EYA2: variants seen among roughly 807,000 people sequenced by gnomAD.
The protein encoded by EYA2 is EYA transcriptional coactivator and phosphatase 2.
In EYA2, 31 loss-of-function variants were observed where a neutral mutation model predicts 69.2. The ratio of observed to expected loss-of-function variants is 0.45; its 90% CI spans 0.34 to 0.60. EYA2 has a LOEUF of 0.60. EYA2 is among the 20% of genes least tolerant of loss of function. The probability of loss-of-function intolerance (pLI) is 0.02; values close to 1 mark genes in which losing one functional copy is unlikely to be tolerated. For missense variants in EYA2, 622 were observed against 701.2 expected (o/e 0.89, Z 1.28); for synonymous variants, 257 against 279.4 (o/e 0.92, Z 0.80).
chr20:47,154,904 G>A (rs143751342), intron 10 of EYA2, among the ~76,000 whole-genome samples: 5 of 150,602 alleles, frequency 3.3e-5, no homozygotes, highest in Admixed American at 6.6e-5. Context: ...GGAGTGCAGT[G>A]CTGCGATCTC....
At chr20:47,172,980 GC>G in intron 12 of EYA2, 113 bp downstream of exon 12, 1 of 1,229,398 alleles carries the variant, frequency 8.1e-7, no homozygotes, top group Non-Finnish European at 1.1e-6. Flanking sequence ...TTCAGTACCA[GC>G]CCACTTAATG....
chr20:47,097,712 G>A (rs977563711), intron 9 of EYA2, among the ~76,000 whole-genome samples: 2 of 152,184 alleles, frequency 1.3e-5, no homozygotes, highest in Admixed American at 6.5e-5. Flanking sequence ...TGGCTGAATC[G>A]TGGTGGATGG....
chr20:47,143,840 CA>C (rs941913078), intron 10 of EYA2, among the ~76,000 whole-genome samples: 1 of 151,836 alleles, frequency 6.6e-6, no homozygotes, highest in Non-Finnish European at 1.5e-5. Flanking sequence ...AGACATTGCA[CA>C]AAAAAAATCC....
chr20:47,175,453 G>A (rs1600771932), intron 12 of EYA2, among the ~76,000 whole-genome samples: 1 of 152,132 alleles, frequency 6.6e-6, no homozygotes. Flanking sequence ...CTCCTCGTGT[G>A]CAAAATGGGG....
intron 1 of EYA2, among the ~76,000 whole-genome samples, chr20:46,973,454 A>C (rs190754822): frequency 6.6e-6 from 1 of 152,226 alleles, no homozygotes; most frequent in Non-Finnish European, 1.5e-5. Flanking sequence ...TGTTGAGACA[A>C]TTGGGGAAGA....
chr20:46,969,742 T>C (rs994747639), intron 1 of EYA2, among the ~76,000 whole-genome samples: 3 of 152,158 alleles, frequency 2.0e-5, no homozygotes, highest in African/African-American at 4.8e-5. Flanking sequence ...ATGCACTCTT[T>C]GGGGGTTCAT....
chr20:47,127,391 G>T (rs1290447809), intron 9 of EYA2, among the ~76,000 whole-genome samples: 1 of 152,074 alleles, frequency 6.6e-6, no homozygotes, highest in Non-Finnish European at 1.5e-5. Flanking sequence ...ATCACCTGAG[G>T]TCAGGAGTTC....
intron 5 of EYA2, among the ~76,000 whole-genome samples, chr20:47,052,268 G>A (rs1345821262): frequency 3.9e-5 from 6 of 152,206 alleles, no homozygotes; most frequent in Non-Finnish European, 7.3e-5. Flanking sequence ...CTGGAGTTGG[G>A]GGGAGCATGG....
At chr20:47,118,083 C>T (rs1188404645) in intron 9 of EYA2, among the ~76,000 whole-genome samples, 1 of 152,226 alleles carries the variant, frequency 6.6e-6, no homozygotes, top group Non-Finnish European at 1.5e-5. Context: ...GTCCTTGGAA[C>T]TCTATAAAAT....
At chr20:46,934,826 A>G (rs1985839090) in intron 1 of EYA2, among the ~76,000 whole-genome samples, 2 of 152,216 alleles carry the variant, frequency 1.3e-5, no homozygotes, top group South Asian at 4.1e-4. Context: ...TTGGACCAGG[A>G]GATGGGTAGG....
intron 5 of EYA2, among the ~76,000 whole-genome samples, chr20:47,063,575 A>G (rs1278529546): frequency 6.6e-6 from 1 of 151,894 alleles, no homozygotes; most frequent in African/African-American, 2.4e-5. Context: ...TCCCTTTGCA[A>G]CTCCCTGCCC....
At chr20:47,030,485 C>T (rs1046195345) in intron 5 of EYA2, among the ~76,000 whole-genome samples, 2 of 152,216 alleles carry the variant, frequency 1.3e-5, no homozygotes, top group Non-Finnish European at 2.9e-5. Flanking sequence ...GCATGGGCCA[C>T]ACAGCCCCAG....
chr20:47,016,531 G>A (rs1345629098), intron 5 of EYA2, among the ~76,000 whole-genome samples: 3 of 152,210 alleles, frequency 2.0e-5, no homozygotes, highest in Non-Finnish European at 4.4e-5. Context: ...GGGGTTGAAT[G>A]TAATAAGGCA....
intron 10 of EYA2, among the ~76,000 whole-genome samples, chr20:47,147,394 G>C (rs1278178259): frequency 6.6e-6 from 1 of 152,160 alleles, no homozygotes; most frequent in African/African-American, 2.4e-5. Flanking sequence ...GGAGGTGGAG[G>C]AGGAGGCCAT....
In EYA2 at chr20:47,188,421, A is replaced by G. The variant is rs1030971393; in HGVS notation, c.*288A>G. On this transcript the variant is annotated 3_prime_UTR_variant, in exon 16 of 16. Transcript: ENST00000327619. ...ACAGAACAAAAGCAAGGAATTGCTG[A>G]TTTGGGGGGTGCCTGGTGATGAGGA... 143 of 552,222 alleles carry G rather than the reference A, an allele frequency of 2.6e-4. 2 individuals are homozygous for G. The highest frequency in any genetic ancestry group is 4.1e-4 in the Non-Finnish European group (127 of 311,264). 34.2% of individuals were successfully genotyped at this position (552,222 alleles called of 1,614,324 possible).
At chr20:46,951,899 C>G (rs989041399) in intron 1 of EYA2, among the ~76,000 whole-genome samples, 3 of 152,226 alleles carry the variant, frequency 2.0e-5, no homozygotes, top group African/African-American at 7.2e-5. Context: ...CTGAAGAATT[C>G]TGCCACCTCC....
intron 1 of EYA2, among the ~76,000 whole-genome samples, chr20:46,929,217 G>A (rs543565164): frequency 6.6e-6 from 1 of 151,720 alleles, no homozygotes; most frequent in Non-Finnish European, 1.5e-5. Context: ...AACCTGGAAG[G>A]AGGAGAGGGC....
chr20:46,900,839 AC>A (rs1984065423), intron 1 of EYA2, among the ~76,000 whole-genome samples: 1 of 152,048 alleles, frequency 6.6e-6, no homozygotes, highest in South Asian at 2.1e-4. Context: ...TATTTTCTTG[AC>A]CCAAAATGAG....
intron 5 of EYA2, among the ~76,000 whole-genome samples, chr20:47,058,694 T>C (rs2146449229): frequency 6.6e-6 from 1 of 152,102 alleles, no homozygotes; most frequent in Non-Finnish European, 1.5e-5. Flanking sequence ...AAAATAAATA[T>C]CCAGGTATGG....
Sources: gnomAD v4.1 joint callset for allele counts (sites outside exome capture counted in the v4.1 genomes callset) on GRCh38, gnomAD v4.1.1 for gene constraint, MANE v1.5 for transcripts, NCBI Gene and HGNC (gene_info 2026-07-23, HGNC 2026-07-21) for gene names.